Variants in MACF1 observed in about 807,000 individuals in gnomAD.
MACF1 encodes microtubule-actin cross-linking factor 1.
MACF1 carries 193 observed loss-of-function variants against 854.8 expected under a neutral mutation model. The ratio of observed to expected loss-of-function variants is 0.23; its 90% CI spans 0.20 to 0.25. MACF1 has a LOEUF of 0.25. Among genes scored for constraint, MACF1 ranks in the 10% least tolerant of loss-of-function variants. The pLI is 1.00. For synonymous variants in MACF1, 3,185 were observed against 3,226.7 expected, an observed-to-expected ratio of 0.99 and a Z score of 0.44; for missense variants, 7,722 against 8,929.1, an observed-to-expected ratio of 0.86 and a Z score of 5.45.
At chr1:39,381,407 ACCC>A (rs1288352836) in intron 55 of MACF1, among the ~76,000 whole-genome samples, 1 of 125,044 alleles carries the variant, frequency 8.0e-6, no homozygotes, top group Non-Finnish European at 1.6e-5. Flanking sequence ...TTGCTCTGTC[ACCC>A]AGGCTGGAGT....
At chr1:39,384,323 T>C (rs1650503087) in intron 56 of MACF1, among the ~76,000 whole-genome samples, 5 of 152,232 alleles carry the variant, frequency 3.3e-5, no homozygotes, top group Admixed American at 3.3e-4. Flanking sequence ...GTTCATTGTT[T>C]ACACATTTGT....
chr1:39,354,177 G>A (rs1293031266), intron 44 of MACF1, among the ~76,000 whole-genome samples: 1 of 152,010 alleles, frequency 6.6e-6, no homozygotes, highest in Non-Finnish European at 1.5e-5. Flanking sequence ...TCAGTTTATT[G>A]GCTAAACTGT....
chr1:39,087,330 G>A (rs1004280482), intron 2 of MACF1, among the ~76,000 whole-genome samples: 3 of 152,206 alleles, frequency 2.0e-5, no homozygotes, highest in Non-Finnish European at 2.9e-5. Context: ...GGCCCACTCC[G>A]TGTCCTGAGC....
Position 39,447,562 on chromosome 1 carries a change from T to C in MACF1, c.19736T>C (p.Val6579Ala). ...CCACCAAGCCTGATTCTAAATACTG[T>C]CCTTTCCCAGATAGAAGAGCACAAG... ...ASPPSLILNT[V>A]LSQIEEHKVF... The change falls in exon 81 of 101, where the codon GTC (valine) becomes GCC (alanine). Residue 6579 changes from valine (V) to alanine (A), a missense_variant. Around this residue, in one of 15 missense-constraint regions of MACF1, gnomAD observed 729 missense variants for 900.5 expected, o/e 0.81. Coordinates refer to ENST00000564288, the MANE Select transcript of MACF1 (RefSeq NM_001394062.1). The C allele has an allele frequency of 6.2e-7, 1 of 1,614,198 alleles. No individual in the cohort carries two copies. The highest frequency in any genetic ancestry group is 8.5e-7 in the Non-Finnish European group (1 of 1,180,022).
chr1:39,300,494 C>A, intron 22 of MACF1, 132 bp downstream of exon 22: 9 of 868,116 alleles, frequency 1.0e-5, no homozygotes, highest in Non-Finnish European at 1.3e-5. Flanking sequence ...ATGCTGAAGT[C>A]TCTCCTATCA....
At position 39,426,439 on chromosome 1, in the gene MACF1, A is replaced by G. The variant is rs137953226; in HGVS notation, c.16317-1016A>G. 2.3e-3 allele frequency among the ~76,000 whole-genome samples: 350 copies of G among 152,306 alleles called. 3 individuals carry two copies. The highest frequency in any genetic ancestry group is 8.1e-3 in the African/African-American group (336 of 41,564). ...ATACTCCCAGGCCTCTTCAAATGCCATATCTTAGTCTGTTTTTAGTAATTC... is the reference window on the plus strand; with the variant it reads ...ATACTCCCAGGCCTCTTCAAATGCCGTATCTTAGTCTGTTTTTAGTAATTC... On this transcript the variant is annotated intron_variant, in intron 61 of 100. Transcript: ENST00000564288.
chr1:39,143,151 TAGTCAA>T (rs1643383586), intron 2 of MACF1, among the ~76,000 whole-genome samples: 1 of 152,230 alleles, frequency 6.6e-6, no homozygotes, highest in Non-Finnish European at 1.5e-5. Flanking sequence ...CTTATCAAGA[TAGTCAA>T]CTAACCCTTG....
chr1:39,332,895 T>C lies in MACF1; in HGVS notation c.6307T>C (p.Leu2103=). Residue 2103 remains leucine, a synonymous_variant, in exon 37 of 101, where the codon TTA becomes CTA. Coordinates refer to ENST00000564288, the MANE Select transcript of MACF1 (RefSeq NM_001394062.1). ...DALKVINKVK[L]EVQRQLIGTQ... ...TTTGAAGGTAATAAATAAAGTCAAA[T>C]TAGAGGTACAAAGGCAGTTGATAGG... is the stretch of plus-strand genomic sequence containing the variant. 6.2e-7 allele frequency: 1 copy of C among 1,614,032 alleles called. No individual in the cohort carries two copies. The highest frequency in any genetic ancestry group is 8.5e-7 in the Non-Finnish European group (1 of 1,180,006).
intron 58 of MACF1, among the ~76,000 whole-genome samples, chr1:39,393,181 T>TAAAAAAAAA (rs1192045357): frequency 4.0e-4 from 36 of 90,248 alleles, no homozygotes; most frequent in Non-Finnish European, 5.4e-4. Flanking sequence ...CTGGGAAGGG[T>TAAAAAAAAA]AAAAAAAAAA....
chr1:39,431,399 G>GA (rs753443121), intron 66 of MACF1, among the ~76,000 whole-genome samples: 1 of 151,990 alleles, frequency 6.6e-6, no homozygotes, highest in Non-Finnish European at 1.5e-5. Flanking sequence ...CTACTTTCTG[G>GA]AAAAAAATCA....
intron 64 of MACF1, 27 bp downstream of exon 64, chr1:39,429,353 A>G (rs757380768): frequency 2.5e-5 from 32 of 1,287,304 alleles, no homozygotes; most frequent in Admixed American, 7.1e-5. Context: ...GTCTCTTAGC[A>G]CCCCTATGGT....
intron 2 of MACF1, among the ~76,000 whole-genome samples, chr1:39,183,237 C>T (rs951967703): frequency 6.6e-6 from 1 of 152,098 alleles, no homozygotes; most frequent in Non-Finnish European, 1.5e-5. Flanking sequence ...AGGGTTTCTT[C>T]AGGGGGTGAT....
chr1:39,192,508 T>C (rs527698229), intron 2 of MACF1, among the ~76,000 whole-genome samples: 2 of 152,372 alleles, frequency 1.3e-5, no homozygotes, highest in South Asian at 4.1e-4. Flanking sequence ...AGGAATGAGC[T>C]GACTGGACAT....
chr1:39,180,885 A>G lies in MACF1; in HGVS notation c.221-50297A>G, dbSNP rs80232192. Reference sequence around the variant, plus strand: ...TTGAAAATTGTTGCTTTGCAGTACAAAAGACACTCTGTTACTTTTTAATCA... The same window carrying G: ...TTGAAAATTGTTGCTTTGCAGTACAGAAGACACTCTGTTACTTTTTAATCA... On this transcript the variant is annotated intron_variant, in intron 2 of 93. Transcript: ENST00000361689. 2.4e-4 allele frequency among the ~76,000 whole-genome samples: 37 copies of G among 152,166 alleles called. No homozygotes were observed. In the East Asian group the frequency reaches 6.2e-3, roughly 25 times the overall value.
At position 39,324,344 on chromosome 1, in the gene MACF1, A is replaced by T. The variant is rs1164412975; in HGVS notation, c.4388A>T (p.Gln1463Leu). 6.2e-7 allele frequency: 1 copy of T among 1,613,374 alleles called. No individual in the cohort carries two copies. ...ATTGAAAAAGCTATTTTGGAACAGC[A>T]GGTGAGAAGAAGGTCCATCTCTGTT... is the stretch of plus-strand genomic sequence containing the variant. ...TDIEKAILEQ[Q>L]VLSEELTTKK... Residue 1463 changes from glutamine to leucine, a missense_variant and splice_region_variant, in exon 34 of 101, where the codon CAG (glutamine) becomes CTG (leucine). By Grantham distance (113) the Gln-to-Leu change is moderately radical. Transcript: ENST00000564288.
intron 2 of MACF1, among the ~76,000 whole-genome samples, chr1:39,186,228 G>A (rs941526150): frequency 3.8e-5 from 4 of 104,702 alleles, no homozygotes; most frequent in Admixed American, 9.5e-5. Flanking sequence ...GTGTGTGTGT[G>A]TGTGTGTGTG....
intron 44 of MACF1, among the ~76,000 whole-genome samples, chr1:39,353,666 A>G (rs1200130834): frequency 1.3e-5 from 2 of 152,176 alleles, no homozygotes; most frequent in Non-Finnish European, 2.9e-5. Context: ...ACTTGGGCCC[A>G]TAAGCACATC....
intron 6 of MACF1, among the ~76,000 whole-genome samples, chr1:39,274,369 G>C (rs560628976): frequency 6.6e-6 from 1 of 152,122 alleles, no homozygotes; most frequent in Non-Finnish European, 1.5e-5. Flanking sequence ...TGGGTTCTGC[G>C]TCTGGGGATT....
intron 1 of MACF1, chr1:39,206,768 C>A: frequency 6.6e-6 from 1 of 152,060 alleles, no homozygotes; most frequent in African/African-American, 2.4e-5. Flanking sequence ...GAGTTACTTA[C>A]GAGATTCTGT....
Sources: gnomAD v4.1 joint callset for allele counts (sites outside exome capture counted in the v4.1 genomes callset) on GRCh38, gnomAD v4.1.1 for gene constraint, gnomAD v4.1.1 regional missense constraint, MANE v1.5 for transcripts, NCBI Gene and HGNC (gene_info 2026-07-23, HGNC 2026-07-21) for gene names.